Variants in TRIT1 observed in about 807,000 individuals in gnomAD.
TRIT1 encodes the protein tRNA isopentenyltransferase 1, also known as tRNA dimethylallyltransferase.
A neutral mutation model predicts 51.2 loss-of-function variants in TRIT1; 43 were observed. The observed-to-expected ratio is 0.84, with a 90% CI of 0.66 to 1.08. The LOEUF (loss-of-function observed/expected upper bound fraction) is 1.08, where lower values mean the gene tolerates loss of function less well. Ranked by LOEUF, TRIT1 falls within the 50% of genes least tolerant of loss-of-function variation. TRIT1 has a pLI of 0.00. For missense variants in TRIT1, 528 were observed against 578.4 expected (o/e 0.91, Z 0.89); for synonymous variants, 184 against 203.9 (o/e 0.90, Z 0.83).
chr1:39,854,401 T>C (rs1455456748), intron 2 of TRIT1, among the ~76,000 whole-genome samples: 1 of 152,238 alleles, frequency 6.6e-6, no homozygotes, highest in African/African-American at 2.4e-5. Flanking sequence ...CAGAACCAAG[T>C]GTCAGCTGCT....
At chr1:39,879,569 T>G (rs1463742170) in intron 1 of TRIT1, among the ~76,000 whole-genome samples, 1 of 151,818 alleles carries the variant, frequency 6.6e-6, no homozygotes, top group Admixed American at 6.6e-5. Context: ...CTGCTTGAAC[T>G]CAGGAGTTCA....
intron 1 of TRIT1, among the ~76,000 whole-genome samples, chr1:39,870,451 T>C (rs1643830611): frequency 6.7e-6 from 1 of 148,962 alleles, no homozygotes; most frequent in Non-Finnish European, 1.5e-5. Flanking sequence ...CCCTCCACTA[T>C]TGTCCTATGA....
Position 39,841,718 on chromosome 1 carries a change from T to G in TRIT1, c.*26A>C. ...CCTCCTGAACTGGATCCCCACCACC[T>G]TTCCAAAGGCCACTGGACATGTCTC... On this transcript the variant is annotated 3_prime_UTR_variant, in exon 11 of 11. Coordinates refer to ENST00000316891, the MANE Select transcript of TRIT1 (RefSeq NM_017646.6). 1 of 1,590,698 alleles carries G rather than the reference T, an allele frequency of 6.3e-7. No homozygotes were observed. The highest frequency in any genetic ancestry group is 1.2e-5 in the South Asian group (1 of 86,832).
rs1652450823 is a variant in TRIT1, at chr1:39,838,228, C to G, written c.*3516G>C. Reference sequence around the variant, plus strand: ...ATTTTAGAAAACAGCCTTAACTGCCCAAGTAGGTGATAATCAAATACAGAA... The same window carrying G: ...ATTTTAGAAAACAGCCTTAACTGCCGAAGTAGGTGATAATCAAATACAGAA... On this transcript the variant is annotated 3_prime_UTR_variant, in exon 11 of 11. Coordinates refer to ENST00000316891, the MANE Select transcript of TRIT1 (RefSeq NM_017646.6). 1.3e-5 allele frequency among the ~76,000 whole-genome samples: 2 copies of G among 152,174 alleles called. No individual in the cohort carries two copies. The highest frequency in any genetic ancestry group is 2.1e-4 in the South Asian group (1 of 4,828).
At chr1:39,857,460 T>C in intron 1 of TRIT1, 43 bp from the exon 2 acceptor site, 1 of 1,601,624 alleles carries the variant, frequency 6.2e-7, no homozygotes, top group Non-Finnish European at 8.5e-7. Flanking sequence ...ACCACCTCCA[T>C]AAAAGATGCA....
chr1:39,850,805 C>A (rs1056327936), intron 4 of TRIT1, among the ~76,000 whole-genome samples: 1 of 152,182 alleles, frequency 6.6e-6, no homozygotes, highest in African/African-American at 2.4e-5. Flanking sequence ...GGCTGGCGTG[C>A]CTTTCCCACA....
intron 1 of TRIT1, among the ~76,000 whole-genome samples, chr1:39,864,498 A>G (rs1643421946): frequency 6.7e-6 from 1 of 149,806 alleles, no homozygotes; most frequent in Non-Finnish European, 1.5e-5. Flanking sequence ...AGTCCTAGCT[A>G]CTCGGGAGGC....
intron 1 of TRIT1, among the ~76,000 whole-genome samples, chr1:39,872,752 A>AAC (rs61554657): frequency 0.071 from 9,625 of 134,964 alleles, 397 homozygotes; most frequent in Non-Finnish European, 0.097. Flanking sequence ...GGAAGTACTA[A>AAC]ACACACACAC....
At position 39,848,031 on chromosome 1, in the gene TRIT1, C is replaced by T; in HGVS notation, c.770G>A (p.Arg257Lys). The T allele has an allele frequency of 6.2e-7, 1 of 1,614,140 alleles. No homozygotes were observed. Among genetic ancestry groups the T allele is most frequent in the Non-Finnish European group, 8.5e-7 (1 of 1,180,034 alleles). ...MLAAGLLEEL[R>K]DFHRRYNQKN... ...CTGATTATAGCGTCTGTGAAAATCTCTTAGTTCCTCCAAGAGCCCAGCAGC... is the reference window on the plus strand; with the variant it reads ...CTGATTATAGCGTCTGTGAAAATCTTTTAGTTCCTCCAAGAGCCCAGCAGC... Residue 257 changes from arginine (R) to lysine (K), a missense_variant, in exon 6 of 11, where the codon AGA becomes AAA. Arg to Lys is a conservative substitution (Grantham distance 26, BLOSUM62 2). Transcript: ENST00000316891.
At chr1:39,854,194 T>C in intron 2 of TRIT1, 126 bp from the exon 3 acceptor site, 1 of 649,752 alleles carries the variant, frequency 1.5e-6, no homozygotes, top group Non-Finnish European at 2.6e-6. Flanking sequence ...CCAAAATGCG[T>C]TGATACCAGC....
chr1:39,865,671 C>CA (rs142393332), intron 1 of TRIT1, among the ~76,000 whole-genome samples: 951 of 68,236 alleles, frequency 0.014, 17 homozygotes, highest in East Asian at 0.048. Flanking sequence ...TCTGTCTCTA[C>CA]AAAAAAAAAA....
At chr1:39,882,626 A>C (rs1290892217) in intron 1 of TRIT1, among the ~76,000 whole-genome samples, 1 of 152,234 alleles carries the variant, frequency 6.6e-6, no homozygotes, top group African/African-American at 2.4e-5. Flanking sequence ...CCTCTACTTA[A>C]AAAAGCATTT....
In TRIT1 at chr1:39,840,611, T is replaced by C. The variant is rs1652516334; in HGVS notation, c.*1133A>G. Among the ~76,000 whole-genome samples, 1 of 152,050 alleles carries C rather than the reference T, an allele frequency of 6.6e-6. No individual in the cohort carries two copies. The highest frequency in any genetic ancestry group is 2.4e-5 in the African/African-American group (1 of 41,368). On this transcript the variant is annotated 3_prime_UTR_variant, in exon 11 of 11. Transcript: ENST00000316891. ...GCCTAATTCAGGGCCTCTCATAGAG[T>C]AGATTCTGCACAAACAAAATGTATT...
At chr1:39,862,666 A>C (rs1411798761) in intron 1 of TRIT1, 2 of 510,024 alleles carry the variant, frequency 3.9e-6, no homozygotes, top group Non-Finnish European at 5.0e-6. Context: ...TGTAAGTATC[A>C]CATTTGGTCC....
chr1:39,852,941 C>T (rs1409048075), intron 3 of TRIT1, 65 bp from the exon 4 acceptor site: 34 of 1,546,914 alleles, frequency 2.2e-5, no homozygotes. Context: ...ATGTGCCAGG[C>T]ACTTTGCTAA....
chr1:39,865,687 A>AG (rs1553144720), intron 1 of TRIT1, among the ~76,000 whole-genome samples: 11,773 of 146,994 alleles, frequency 0.08, 784 homozygotes, highest in African/African-American at 0.17. Context: ...AAAAAAAAAA[A>AG]AAAGAAAAGA....
chr1:39,861,807 C>T (rs1351643889), intron 1 of TRIT1, among the ~76,000 whole-genome samples: 1 of 151,674 alleles, frequency 6.6e-6, no homozygotes, highest in Non-Finnish European at 1.5e-5. Flanking sequence ...ACCTGTAATC[C>T]CAGCTACTCA....
At chr1:39,870,105 T>C (rs1643805761) in intron 1 of TRIT1, among the ~76,000 whole-genome samples, 1 of 152,054 alleles carries the variant, frequency 6.6e-6, no homozygotes, top group Non-Finnish European at 1.5e-5. Context: ...AGAAATCAGA[T>C]TGTTGCTGTG....
intron 1 of TRIT1, among the ~76,000 whole-genome samples, chr1:39,859,591 A>C (rs1439175248): frequency 1.3e-5 from 2 of 151,912 alleles, no homozygotes; most frequent in Admixed American, 6.6e-5. Flanking sequence ...TCAAAAAAAA[A>C]AAAGAAAGAA....
Sources: gnomAD v4.1 joint callset for allele counts (sites outside exome capture counted in the v4.1 genomes callset) on GRCh38, gnomAD v4.1.1 for gene constraint, MANE v1.5 for transcripts, NCBI Gene and HGNC (gene_info 2026-07-23, HGNC 2026-07-21) for gene names.